The following GART variants were observed in gnomAD, a reference collection of about 807,000 sequenced individuals.
The protein encoded by GART is phosphoribosylglycinamide formyltransferase, phosphoribosylglycinamide synthetase, phosphoribosylaminoimidazole synthetase.
GART carries 43 observed loss-of-function variants against 107.2 expected under a neutral mutation model. The observed-to-expected ratio is 0.40, with a 90% CI of 0.31 to 0.52. GART has a LOEUF of 0.52. Ranked by LOEUF, GART falls within the 20% of genes least tolerant of loss-of-function variation. GART has a pLI of 0.52. For synonymous variants in GART, 434 were observed against 427.0 expected (o/e 1.02, Z -0.20); for missense variants, 1,107 against 1,206.5 (o/e 0.92, Z 1.22).
intron 14 of GART, among the ~76,000 whole-genome samples, chr21:33,518,432 T>C (rs932935644): frequency 7.9e-5 from 12 of 151,736 alleles, no homozygotes; most frequent in African/African-American, 1.2e-4. Context: ...GAGCCGAGAT[T>C]GTGCCACTGC....
chr21:33,504,992 AATAC>A (rs1390518123), intron 20 of GART, among the ~76,000 whole-genome samples: 6 of 152,216 alleles, frequency 3.9e-5, no homozygotes, highest in Non-Finnish European at 7.4e-5. Flanking sequence ...TTCACCTAAG[AATAC>A]ATAAACTCTT....
chr21:33,515,652 C>CAAAA (rs71194850), intron 16 of GART, among the ~76,000 whole-genome samples: 52 of 35,784 alleles, frequency 1.5e-3, no homozygotes, highest in Non-Finnish European at 1.9e-3. Context: ...GACTCCAACT[C>CAAAA]AAAAAAAAAA....
Position 33,520,899 on chromosome 21 carries a change from T to C in GART, c.1503+7A>G. ...AAAGGCCTTTATTCACAAAGGTGTC[T>C]GATTACCTTTAGTTTAGTTCCAACG... On this transcript the variant is annotated splice_region_variant and intron_variant, in intron 13 of 21. Coordinates refer to ENST00000381815, the MANE Select transcript of GART (RefSeq NM_000819.5). 6.3e-7 allele frequency: 1 copy of C among 1,578,536 alleles called. No individual in the cohort carries two copies. The highest frequency in any genetic ancestry group is 1.7e-4 in the Middle Eastern group (1 of 5,974).
chr21:33,516,105 G>A (rs1323118035), intron 16 of GART, among the ~76,000 whole-genome samples: 4 of 151,714 alleles, frequency 2.6e-5, no homozygotes, highest in Admixed American at 1.3e-4. Context: ...AAAATTAGCC[G>A]GGCATGGTGG....
chr21:33,529,511 G>A (rs2085142062), intron 7 of GART: 1 of 145,028 alleles, frequency 6.9e-6, no homozygotes. Flanking sequence ...GGAGTGCAAT[G>A]GCGCAATCTT....
chr21:33,531,954 CACA>C (rs1391950069), intron 5 of GART: 7 of 245,034 alleles, frequency 2.9e-5, no homozygotes, highest in African/African-American at 1.4e-4. Context: ...ACAGAAAACC[CACA>C]ACAACAAAGA....
In GART at chr21:33,525,019, G is replaced by A; in HGVS notation, c.1067-19C>T. The stretch of plus-strand genomic sequence containing the variant: ...GGAAACCCTAGAAGAGAGCATATTT[G>A]ACATATGATTTCAAATAGCAACAGT... On this transcript the variant is annotated intron_variant, in intron 10 of 21. Coordinates refer to ENST00000381815, the MANE Select transcript of GART (RefSeq NM_000819.5). 1.2e-6 allele frequency: 2 copies of A among 1,601,296 alleles called. No individual in the cohort carries two copies. Among genetic ancestry groups the A allele is most frequent in the Non-Finnish European group, 1.7e-6 (2 of 1,174,340 alleles).
chr21:33,535,329 A>AC lies in GART; in HGVS notation c.146-10_146-9insG. 2.5e-5 allele frequency: 28 copies of AC among 1,125,236 alleles called. No homozygotes were observed. Among genetic ancestry groups the AC allele is most frequent in the Non-Finnish European group, 3.0e-5 (24 of 799,844 alleles). The allele number at this position is 1,125,236 out of a possible 1,614,324, so 69.7% of individuals were successfully genotyped here. ...GTCACTGATTGAGATGGCTGTAAAC[A>AC]GAAAAAAAAAAAAAAAAACCACTGC... On this transcript the variant is annotated splice_polypyrimidine_tract_variant and intron_variant, in intron 2 of 21. Coordinates refer to ENST00000381815, the MANE Select transcript of GART (RefSeq NM_000819.5).
upstream of GART, chr21:33,542,462 T>A (rs2145785485): frequency 6.5e-6 from 1 of 153,402 alleles, no homozygotes; most frequent in South Asian, 1.9e-4. Flanking sequence ...CTGATGAGAC[T>A]AAAATGCACC....
In GART at chr21:33,531,560, G is replaced by A. The variant is rs780141079; in HGVS notation, c.529-3C>T. 1.3e-6 allele frequency: 2 copies of A among 1,555,950 alleles called. No individual in the cohort carries two copies. The highest frequency in any genetic ancestry group is 2.4e-5 in the South Asian group (2 of 83,346). ...CCAGCTGCCCCAAAGGCTTTCTCCT[G>A]ATTGTAAGATTTTTTTTTTTTTTTT... On this transcript the variant is annotated splice_polypyrimidine_tract_variant and splice_region_variant and intron_variant, in intron 5 of 21. Transcript: ENST00000381815.
At chr21:33,509,143 G>A (rs2084738770) in intron 18 of GART, 1 of 152,176 alleles carries the variant, frequency 6.6e-6, no homozygotes, top group South Asian at 2.1e-4. Context: ...GCTACTCGGG[G>A]GGCTAATAAG....
rs558142300 is a variant in GART at position 33,528,037 on chromosome 21, T to G, written c.1066+130A>C. On this transcript the variant is annotated intron_variant, in intron 10 of 21. Coordinates refer to ENST00000381815, the MANE Select transcript of GART (RefSeq NM_000819.5). ...ACACATATCCAATAAGCAACATGGT[T>G]AAGACCCTCTGAAAGGTTTCTGATG... 3.3e-4 allele frequency: 256 copies of G among 772,168 alleles called. 1 individual carries two copies. The South Asian group carries it at 4.0e-3, about 12-fold the overall frequency. The allele number at this position is 772,168 out of a possible 1,614,324, so 47.8% of individuals were successfully genotyped here.
intron 13 of GART, 59 bp from the exon 14 acceptor site, chr21:33,520,621 C>T: frequency 6.9e-7 from 1 of 1,445,696 alleles, no homozygotes. Flanking sequence ...TGTATCTTAT[C>T]CATTTGATTA....
chr21:33,535,899 G>A (rs1327596536), intron 2 of GART, among the ~76,000 whole-genome samples: 1 of 152,064 alleles, frequency 6.6e-6, no homozygotes. Flanking sequence ...GTGGGGGCAT[G>A]CACCTGTAAT....
chr21:33,540,055 A>G (rs2085381809), intron 1 of GART, among the ~76,000 whole-genome samples: 1 of 152,130 alleles, frequency 6.6e-6, no homozygotes, highest in South Asian at 2.1e-4. Context: ...TAATTAGGTT[A>G]TCATAAATTA....
intron 20 of GART, among the ~76,000 whole-genome samples, chr21:33,505,094 T>C (rs567974802): frequency 1.3e-5 from 2 of 152,292 alleles, no homozygotes; most frequent in East Asian, 1.9e-4. Flanking sequence ...GGCAGTAACA[T>C]AGATAGTATG....
At chr21:33,537,557 TAAAC>T (rs1445202791) in intron 2 of GART, among the ~76,000 whole-genome samples, 2 of 152,154 alleles carry the variant, frequency 1.3e-5, no homozygotes, top group Non-Finnish European at 2.9e-5. Flanking sequence ...TTCATGATCA[TAAAC>T]AAATGAAATG....
At chr21:33,535,715 G>C (rs1049447549) in intron 2 of GART, among the ~76,000 whole-genome samples, 1 of 152,124 alleles carries the variant, frequency 6.6e-6, no homozygotes, top group Admixed American at 6.5e-5. Context: ...GCTAAGTACT[G>C]TCCTCAGCAC....
intron 1 of GART, 40 bp from the exon 2 acceptor site, chr21:33,539,396 AT>A: frequency 1.3e-6 from 2 of 1,500,778 alleles, no homozygotes; most frequent in Non-Finnish European, 9.0e-7. Context: ...TAGGATGCAC[AT>A]TTTAGAAACC....
Sources: allele counts gnomAD v4.1 joint callset (sites outside exome capture counted in the v4.1 genomes callset), GRCh38; gene constraint gnomAD v4.1.1; transcripts MANE v1.5; gene names NCBI Gene and HGNC (gene_info 2026-07-23, HGNC 2026-07-21).